FBXL13: variants seen among roughly 807,000 people sequenced by gnomAD.
FBXL13 encodes the protein F-box and leucine-rich repeat protein 13.
In FBXL13, 67 loss-of-function variants were observed where a neutral mutation model predicts 83.6. The ratio of observed to expected loss-of-function variants is 0.80; its 90% CI spans 0.66 to 0.98. The LOEUF (loss-of-function observed/expected upper bound fraction) is 0.98. FBXL13 is among the 50% of genes least tolerant of loss of function. The pLI, the probability that FBXL13 is intolerant of heterozygous loss-of-function variation, is 0.00. For missense variants in FBXL13, 822 were observed against 866.5 expected, an observed-to-expected ratio of 0.95 and a Z score of 0.64; for synonymous variants, 272 against 299.5, an observed-to-expected ratio of 0.91 and a Z score of 0.95.
intron 11 of FBXL13, among the ~76,000 whole-genome samples, chr7:102,890,792 A>G (rs993982400): frequency 2.0e-5 from 3 of 152,292 alleles, no homozygotes; most frequent in Admixed American, 2.0e-4. Context: ...CAGAAAAGAC[A>G]TATATGCAGA....
intron 18 of FBXL13, among the ~76,000 whole-genome samples, chr7:102,823,236 T>C (rs555454629): frequency 7.2e-5 from 11 of 152,300 alleles, no homozygotes; most frequent in Admixed American, 6.5e-4. Context: ...AAATTTAAAA[T>C]CCTCTCTAAG....
chr7:102,848,327 C>T lies in FBXL13; in HGVS notation c.1719+6450G>A, dbSNP rs1238618296. Reference sequence around the variant, plus strand: ...ATCCCAGCACTTTGGGAGGCCGAGGCGGGCGGATCACGAGGTCAGGAGATC... The same window carrying T: ...ATCCCAGCACTTTGGGAGGCCGAGGTGGGCGGATCACGAGGTCAGGAGATC... On this transcript the variant is annotated intron_variant, in intron 17 of 19. Coordinates refer to ENST00000313221, the Ensembl canonical transcript of FBXL13. 3.4e-4 allele frequency among the ~76,000 whole-genome samples: 16 copies of T among 46,762 alleles called. 3 individuals are homozygous for T. Among genetic ancestry groups the T allele is most frequent in the Admixed American group, 1.8e-3 (11 of 6,126 alleles). The allele number at this position is 46,762 out of a possible 152,430, so 30.7% of individuals were successfully genotyped here. A position where few individuals can be genotyped will look rare whatever the true frequency, so the allele number is the denominator to read the frequency against.
At position 103,060,049 on chromosome 7, in the gene FBXL13, T is replaced by C. The variant is rs1410751419; in HGVS notation, c.-104-4302A>G. On this transcript the variant is annotated intron_variant, in intron 1 of 19. Coordinates refer to ENST00000313221, the Ensembl canonical transcript of FBXL13. ...ATATATATATATATATATATATATA[T>C]ATATATATATATATACTTTTTTTTT... 4.2e-3 allele frequency among the ~76,000 whole-genome samples: 462 copies of C among 110,386 alleles called. 17 individuals are homozygous for C. The highest frequency in any genetic ancestry group is 0.017 in the African/African-American group (431 of 24,944). 72.4% of individuals were successfully genotyped at this position (110,386 alleles called of 152,430 possible).
At chr7:103,001,104 C>A (rs1790347233) in intron 6 of FBXL13, among the ~76,000 whole-genome samples, 1 of 151,728 alleles carries the variant, frequency 6.6e-6, no homozygotes, top group South Asian at 2.1e-4. Flanking sequence ...CCCACCACAC[C>A]CAGTTCTATA....
downstream of FBXL13, among the ~76,000 whole-genome samples, chr7:102,812,287 T>C (rs1209400213): frequency 6.6e-6 from 1 of 152,204 alleles, no homozygotes; most frequent in Non-Finnish European, 1.5e-5. Flanking sequence ...AAAACTAATA[T>C]GTAGATATGC....
intron 11 of FBXL13, among the ~76,000 whole-genome samples, chr7:102,891,344 T>C (rs1258438255): frequency 6.6e-6 from 1 of 152,230 alleles, no homozygotes; most frequent in African/African-American, 2.4e-5. Flanking sequence ...GGTAGACATG[T>C]TTCTAACTCT....
chr7:102,836,132 T>G (rs960397454), intron 17 of FBXL13, among the ~76,000 whole-genome samples: 12 of 152,232 alleles, frequency 7.9e-5, no homozygotes, highest in African/African-American at 1.9e-4. Context: ...CAAATCTGCC[T>G]TATGCCTTTT....
chr7:103,013,134 G>A (rs1173159413), intron 6 of FBXL13, among the ~76,000 whole-genome samples: 1 of 152,170 alleles, frequency 6.6e-6, no homozygotes, highest in African/African-American at 2.4e-5. Flanking sequence ...GATTCATAAA[G>A]TCAGTTCCTA....
At chr7:103,051,252 C>A (rs1424874439) in intron 2 of FBXL13, among the ~76,000 whole-genome samples, 1 of 152,160 alleles carries the variant, frequency 6.6e-6, no homozygotes, top group East Asian at 1.9e-4. Context: ...ACTTTTATAA[C>A]CCCTGCAATA....
intron 16 of FBXL13, among the ~76,000 whole-genome samples, chr7:102,860,209 C>T (rs1806604882): frequency 6.6e-6 from 1 of 152,094 alleles, no homozygotes; most frequent in South Asian, 2.1e-4. Flanking sequence ...ACATAAGTCA[C>T]TATAATGAGG....
At chr7:102,911,259 T>A (rs2129468557) in intron 11 of FBXL13, among the ~76,000 whole-genome samples, 1 of 152,306 alleles carries the variant, frequency 6.6e-6, no homozygotes. Flanking sequence ...AGAATATTTA[T>A]CCTTAGGACA....
intron 8 of FBXL13, chr7:102,932,948 T>C (rs952825289): frequency 6.6e-6 from 1 of 152,250 alleles, no homozygotes; most frequent in Non-Finnish European, 1.5e-5. Flanking sequence ...ATCAAGGAGA[T>C]ATAGCAGTTA....
intron 11 of FBXL13, among the ~76,000 whole-genome samples, chr7:102,886,969 C>T (rs1336081360): frequency 1.3e-5 from 2 of 152,144 alleles, no homozygotes; most frequent in Non-Finnish European, 2.9e-5. Flanking sequence ...GCTACAGAAG[C>T]CAGGCCTTTG....
chr7:102,876,338 T>G (rs924969642), intron 16 of FBXL13, among the ~76,000 whole-genome samples: 1 of 152,066 alleles, frequency 6.6e-6, no homozygotes, highest in African/African-American at 2.4e-5. Flanking sequence ...AAGACAACAT[T>G]GAGAAGACCA....
At chr7:102,931,392 G>A (rs1174380592) in intron 9 of FBXL13, among the ~76,000 whole-genome samples, 1 of 152,152 alleles carries the variant, frequency 6.6e-6, no homozygotes, top group Non-Finnish European at 1.5e-5. Flanking sequence ...GGTGGAAGAT[G>A]AGAGTGAAGT....
At chr7:102,931,887 T>C in exon 9 of FBXL13, 1 of 1,613,702 alleles carries the variant, frequency 6.2e-7, no homozygotes, top group East Asian at 2.2e-5. Context: ...TCACTGTGAA[T>C]GTTGGGCAGT....
At chr7:102,930,370 A>G (rs1818938334) in intron 9 of FBXL13, among the ~76,000 whole-genome samples, 1 of 152,040 alleles carries the variant, frequency 6.6e-6, no homozygotes, top group Non-Finnish European at 1.5e-5. Context: ...ATCATCCTCT[A>G]TAAACCTGTT....
chr7:102,986,774 G>A (rs1367889099), intron 6 of FBXL13, among the ~76,000 whole-genome samples: 1 of 101,994 alleles, frequency 9.8e-6, no homozygotes, highest in Non-Finnish European at 2.6e-5. Context: ...GTACTAGGGA[G>A]TATTTTTTTT....
intron 1 of FBXL13, among the ~76,000 whole-genome samples, chr7:103,067,743 A>G (rs1798537728): frequency 6.6e-6 from 1 of 152,362 alleles, no homozygotes; most frequent in South Asian, 2.1e-4. Context: ...AGGGATCTCA[A>G]GCAATAATAT....
Sources: gnomAD v4.1 joint callset for allele counts (sites outside exome capture counted in the v4.1 genomes callset) on GRCh38, gnomAD v4.1.1 for gene constraint, MANE v1.5 for transcripts, NCBI Gene and HGNC (gene_info 2026-07-23, HGNC 2026-07-21) for gene names.